Variants in ACBD6 observed in about 807,000 individuals in gnomAD.
The protein encoded by ACBD6 is acyl-CoA-binding domain-containing protein 6.
In ACBD6, 28 loss-of-function variants were observed where a neutral mutation model predicts 37.2. That is an observed-to-expected ratio of 0.75 (90% CI 0.56 to 1.03). The LOEUF is 1.03. ACBD6 is among the 50% of genes least tolerant of loss of function. The probability of loss-of-function intolerance (pLI) is 0.00; values close to 1 mark genes in which losing one functional copy is unlikely to be tolerated. For synonymous variants in ACBD6, 113 were observed against 126.8 expected, an observed-to-expected ratio of 0.89 and a Z score of 0.73; for missense variants, 340 against 337.4, an observed-to-expected ratio of 1.01 and a Z score of -0.06.
intron 6 of ACBD6, among the ~76,000 whole-genome samples, chr1:180,384,606 C>A (rs1455776688): frequency 3.9e-5 from 6 of 152,144 alleles, no homozygotes. Context: ...TCATAAAAAA[C>A]TAAAAACAGA....
At chr1:180,319,339 T>C (rs143226433) in intron 6 of ACBD6, among the ~76,000 whole-genome samples, 2 of 152,270 alleles carry the variant, frequency 1.3e-5, no homozygotes, top group East Asian at 3.9e-4. Context: ...TCCTCACTGT[T>C]TTTCTTTAAA....
At chr1:180,317,804 C>T (rs981409757) in intron 6 of ACBD6, among the ~76,000 whole-genome samples, 4 of 152,160 alleles carry the variant, frequency 2.6e-5, no homozygotes, top group South Asian at 2.1e-4. Flanking sequence ...GAATGCAAGG[C>T]ATTTCATGAA....
At chr1:180,426,720 T>C (rs2101991997) in intron 4 of ACBD6, among the ~76,000 whole-genome samples, 1 of 152,360 alleles carries the variant, frequency 6.6e-6, no homozygotes, top group South Asian at 2.1e-4. Context: ...ATACTATTTA[T>C]AAAAGCTAAC....
At chr1:180,405,800 T>G (rs1647599949) in intron 5 of ACBD6, among the ~76,000 whole-genome samples, 1 of 152,108 alleles carries the variant, frequency 6.6e-6, no homozygotes, top group Non-Finnish European at 1.5e-5. Flanking sequence ...ATTGAAATCA[T>G]CCCTGCCCCT....
intron 3 of ACBD6, among the ~76,000 whole-genome samples, chr1:180,458,566 G>C (rs960199773): frequency 1.3e-5 from 2 of 152,128 alleles, no homozygotes; most frequent in African/African-American, 4.8e-5. Context: ...TGGACTGAAG[G>C]CTTCACGGAA....
intron 6 of ACBD6, among the ~76,000 whole-genome samples, chr1:180,358,463 C>G (rs566435668): frequency 6.6e-6 from 1 of 150,564 alleles, no homozygotes; most frequent in Non-Finnish European, 1.5e-5. Flanking sequence ...AAAAAAACCT[C>G]ACAGCATTTT....
At chr1:180,296,439 C>A (rs1408042758) in intron 7 of ACBD6, among the ~76,000 whole-genome samples, 3 of 151,938 alleles carry the variant, frequency 2.0e-5, no homozygotes, top group African/African-American at 4.8e-5. Flanking sequence ...TTCTTTTTTT[C>A]TTTTCTATTA....
chr1:180,396,719 G>C (rs1479196253), intron 6 of ACBD6, among the ~76,000 whole-genome samples: 1 of 151,736 alleles, frequency 6.6e-6, no homozygotes, highest in African/African-American at 2.4e-5. Context: ...TTAGGGAAAT[G>C]TAAATCAAAA....
chr1:180,480,380 T>C (rs1380924865), intron 3 of ACBD6, among the ~76,000 whole-genome samples: 1 of 152,158 alleles, frequency 6.6e-6, no homozygotes, highest in African/African-American at 2.4e-5. Flanking sequence ...TTAGTGACAC[T>C]TGGTAACTAA....
At position 180,288,452 on chromosome 1, in the gene ACBD6, G is replaced by A. The variant is rs370869949; in HGVS notation, c.760C>T (p.Arg254Ter). 3.1e-6 allele frequency: 5 copies of A among 1,613,642 alleles called. No homozygotes were observed. Among genetic ancestry groups the A allele is most frequent in the African/African-American group, 1.3e-5 (1 of 74,906 alleles). Residue 254 changes from arginine (R) to a stop codon, truncating the protein, a stop_gained, in exon 8 of 8, where the codon CGA (arginine) becomes TGA (stop). Transcript: ENST00000367595. LOFTEE classifies it high-confidence loss of function. Reference protein sequence around the residue: ...LLQSGADPTLRDQDGCLPEEV... With the variant: ...LLQSGADPTL ...TCTGGCAGGCAGCCATCCTGGTCTC[G>A]GAGAGTGGGGTCAGCACCAGACTGG... is the stretch of plus-strand genomic sequence containing the variant.
At chr1:180,360,377 A>G (rs1232153002) in intron 6 of ACBD6, among the ~76,000 whole-genome samples, 1 of 152,222 alleles carries the variant, frequency 6.6e-6, no homozygotes, top group Non-Finnish European at 1.5e-5. Flanking sequence ...ATTTGATTCA[A>G]AATATGAACC....
chr1:180,471,115 G>T (rs995832913), intron 3 of ACBD6, among the ~76,000 whole-genome samples: 1 of 152,076 alleles, frequency 6.6e-6, no homozygotes, highest in African/African-American at 2.4e-5. Context: ...AAGTTTATCT[G>T]TTGGCCAGGT....
chr1:180,489,470 A>G (rs1278442408), intron 3 of ACBD6, among the ~76,000 whole-genome samples: 1 of 151,248 alleles, frequency 6.6e-6, no homozygotes, highest in East Asian at 1.9e-4. Flanking sequence ...AGTATGTTAT[A>G]TATTCTTTTA....
At chr1:180,471,168 G>A (rs754388845) in intron 3 of ACBD6, among the ~76,000 whole-genome samples, 1 of 152,142 alleles carries the variant, frequency 6.6e-6, no homozygotes, top group African/African-American at 2.4e-5. Context: ...GGGAGGCTGA[G>A]GTGGGCAGAT....
intron 6 of ACBD6, among the ~76,000 whole-genome samples, chr1:180,333,153 A>C (rs1364688952): frequency 6.6e-6 from 1 of 152,236 alleles, no homozygotes; most frequent in Non-Finnish European, 1.5e-5. Context: ...TTTACATATA[A>C]CATAAAAACA....
At chr1:180,301,478 T>C (rs1166350715) in intron 7 of ACBD6, among the ~76,000 whole-genome samples, 5 of 152,210 alleles carry the variant, frequency 3.3e-5, no homozygotes, top group African/African-American at 9.6e-5. Flanking sequence ...AAAATACATG[T>C]ATAGTACTGT....
chr1:180,380,764 C>T (rs779493267), intron 6 of ACBD6, among the ~76,000 whole-genome samples: 19 of 151,852 alleles, frequency 1.3e-4, no homozygotes, highest in Non-Finnish European at 2.1e-4. Flanking sequence ...CTACAGAATA[C>T]CACTAAACTA....
intron 3 of ACBD6, among the ~76,000 whole-genome samples, chr1:180,482,498 A>T (rs1651092892): frequency 6.6e-6 from 1 of 150,812 alleles, no homozygotes; most frequent in Non-Finnish European, 1.5e-5. Flanking sequence ...AGTTTTAAAG[A>T]TCTAAGAAGT....
chr1:180,271,083 G>C (rs1347878403), exon 14 of ACBD6: 2 of 473,698 alleles, frequency 4.2e-6, no homozygotes, highest in Non-Finnish European at 7.8e-6. Context: ...TGTGGAATTG[G>C]GTACATTCAA....
Sources: gnomAD v4.1 joint callset for allele counts (sites outside exome capture counted in the v4.1 genomes callset) on GRCh38, gnomAD v4.1.1 for gene constraint, MANE v1.5 for transcripts, NCBI Gene and HGNC (gene_info 2026-07-23, HGNC 2026-07-21) for gene names.